The following PPP6C variants were observed in gnomAD, a reference collection of about 807,000 sequenced individuals.
The protein encoded by PPP6C is protein phosphatase 6 catalytic subunit, also known as serine/threonine-protein phosphatase 6 catalytic subunit.
A neutral mutation model predicts 39.8 loss-of-function variants in PPP6C; 11 were observed. That is an observed-to-expected ratio of 0.28 (90% CI 0.17 to 0.46). PPP6C has a LOEUF of 0.46. Ranked by LOEUF, PPP6C falls within the 20% of genes least tolerant of loss-of-function variation. The pLI, the probability that PPP6C is intolerant of heterozygous loss-of-function variation, is 1.00. For missense variants in PPP6C, 211 were observed against 373.9 expected (o/e 0.56, Z 3.59); for synonymous variants, 129 against 130.3 (o/e 0.99, Z 0.07).
chr9:125,182,795 G>A (rs938967554), intron 1 of PPP6C, among the ~76,000 whole-genome samples: 2 of 149,352 alleles, frequency 1.3e-5, no homozygotes, highest in Non-Finnish European at 3.0e-5. Context: ...TGACCCAGCT[G>A]TGACAACCAA....
intron 2 of PPP6C, among the ~76,000 whole-genome samples, chr9:125,161,549 C>G (rs1025519868): frequency 6.6e-6 from 1 of 152,106 alleles, no homozygotes; most frequent in Non-Finnish European, 1.5e-5. Context: ...GCTCAAGTAA[C>G]CCTCCTACCT....
intron 4 of PPP6C, among the ~76,000 whole-genome samples, chr9:125,156,744 G>GCTCTCT (rs61252351): frequency 0.036 from 5,020 of 141,336 alleles, 173 homozygotes; most frequent in East Asian, 0.23. Flanking sequence ...TAATAAGCTC[G>GCTCTCT]CTCTCTCTCT....
In PPP6C at chr9:125,175,557, G is replaced by A. The variant is rs142920099; in HGVS notation, c.76-4377C>T. ...ACTAGGGAGGCTGAGGCAGGAGAAT[G>A]GCATGAACCCGGGAGGCGGAGCTTG... is the stretch of plus-strand genomic sequence containing the variant. On this transcript the variant is annotated intron_variant, in intron 1 of 6. Transcript: ENST00000373547. 0.018 allele frequency among the ~76,000 whole-genome samples: 2,761 copies of A among 151,194 alleles called. 156 individuals are homozygous for A. The East Asian group carries it at 0.23, about 12-fold the overall frequency.
rs754432168 is a variant in PPP6C, at chr9:125,158,409, AACAAT to A, written c.238-32_238-28del. The A allele has an allele frequency of 5.0e-6, 8 of 1,604,300 alleles. No homozygotes were observed. The South Asian group carries it at 6.6e-5, about 13-fold the overall frequency. On this transcript the variant is annotated intron_variant, in intron 3 of 6. Coordinates refer to ENST00000373547, the MANE Select transcript of PPP6C (RefSeq NM_002721.5). The stretch of plus-strand genomic sequence containing the variant: ...TGTGAAGTAAAAGTTTACAGTTACA[AACAAT>A]ACAATAGCCACAATATTCTTTTCAA...
chr9:125,176,100 G>A (rs974369210), intron 1 of PPP6C, among the ~76,000 whole-genome samples: 1 of 152,150 alleles, frequency 6.6e-6, no homozygotes, highest in Non-Finnish European at 1.5e-5. Flanking sequence ...AAACTCTAAA[G>A]GAGGTAAGGC....
intron 1 of PPP6C, among the ~76,000 whole-genome samples, chr9:125,183,019 A>C (rs927184142): frequency 1.3e-5 from 2 of 152,096 alleles, no homozygotes; most frequent in Admixed American, 6.6e-5. Flanking sequence ...GCAGCATCTC[A>C]AACTCAATAT....
chr9:125,151,088 C>G (rs1835926940), intron 6 of PPP6C: 3 of 1,327,048 alleles, frequency 2.3e-6, no homozygotes, highest in Non-Finnish European at 3.3e-6. Context: ...TATGCAGAGC[C>G]AGGTGTCCTG....
intron 1 of PPP6C, among the ~76,000 whole-genome samples, chr9:125,188,295 G>A (rs948805620): frequency 1.3e-5 from 2 of 152,154 alleles, no homozygotes; most frequent in Non-Finnish European, 2.9e-5. Context: ...TGAGGCAGGA[G>A]AATGGCGTGA....
chr9:125,172,720 AACACACACACACACAC>A (rs72238242), intron 1 of PPP6C, among the ~76,000 whole-genome samples: 3 of 144,700 alleles, frequency 2.1e-5, no homozygotes, highest in East Asian at 2.0e-4. Context: ...AATACACACA[AACACACACACACACAC>A]ACACACACAC....
rs2131291928 is a variant in PPP6C, at chr9:125,148,769, T to C, written c.*904A>G. 6.6e-6 allele frequency: 1 copy of C among 152,354 alleles called. No homozygotes were observed. The highest frequency in any genetic ancestry group is 1.9e-4 in the East Asian group (1 of 5,192). The allele number at this position is 152,354 out of a possible 1,614,324, so 9.4% of individuals were successfully genotyped here. On this transcript the variant is annotated 3_prime_UTR_variant, in exon 7 of 7. Transcript: ENST00000373547. ...ATTAACACATCAGCATTACAAGTAT[T>C]AAATGTTTTTCTATTACTATAGAGG...
At chr9:125,150,208 T>C (rs1835901625) in intron 6 of PPP6C, among the ~76,000 whole-genome samples, 1 of 152,206 alleles carries the variant, frequency 6.6e-6, no homozygotes, top group African/African-American at 2.4e-5. Context: ...TCTGATTTAA[T>C]AATAAAGATA....
At chr9:125,152,042 AC>A (rs1835960263) in intron 6 of PPP6C, among the ~76,000 whole-genome samples, 1 of 146,398 alleles carries the variant, frequency 6.8e-6, no homozygotes, top group South Asian at 2.3e-4. Context: ...GCAACCCCAA[AC>A]CTAGTCCCGG....
chr9:125,153,651 T>C lies in PPP6C; in HGVS notation c.551A>G (p.Glu184Gly). Residue 184 changes from glutamate to glycine, a missense_variant, in exon 6 of 7, where the codon GAA becomes GGA. By Grantham distance (98) the Glu-to-Gly change is moderately conservative. Transcript: ENST00000373547. Reference protein sequence around the residue: ...DQIRTIERNQEIPHKGAFCDL... With the variant: ...DQIRTIERNQGIPHKGAFCDL... ...ACAAAATGCTCCTTTATGAGGAATT[T>C]CCTGATTCCGTTCGATGGTTCGAAT... is the stretch of plus-strand genomic sequence containing the variant. 1 of 1,614,214 alleles carries C rather than the reference T, an allele frequency of 6.2e-7. No individual in the cohort carries two copies. The highest frequency in any genetic ancestry group is 8.5e-7 in the Non-Finnish European group (1 of 1,180,030).
At chr9:125,170,852 A>G (rs1829133169) in intron 2 of PPP6C, among the ~76,000 whole-genome samples, 1 of 152,202 alleles carries the variant, frequency 6.6e-6, no homozygotes, top group South Asian at 2.1e-4. Flanking sequence ...CTAATGCTGC[A>G]TTATTCACTT....
intron 1 of PPP6C, among the ~76,000 whole-genome samples, chr9:125,181,371 CAT>C (rs965887539): frequency 1.8e-4 from 28 of 152,164 alleles, no homozygotes; most frequent in African/African-American, 5.8e-4. Context: ...TTCTGGGACA[CAT>C]GTGCAGAACG....
At chr9:125,184,274 G>C (rs1253407385) in intron 1 of PPP6C, among the ~76,000 whole-genome samples, 1 of 152,076 alleles carries the variant, frequency 6.6e-6, no homozygotes, top group African/African-American at 2.4e-5. Flanking sequence ...TGTAGTCCCA[G>C]CTACTTGGGA....
Position 125,178,124 on chromosome 9 carries a change from G to A in PPP6C, c.76-6944C>T, listed in dbSNP as rs553451775. On this transcript the variant is annotated intron_variant, in intron 1 of 6. Transcript: ENST00000373547. ...AGTGGCTATAAAAATCTATGTACAG[G>A]TTTTTGTATGGACATAAGTTTACAA... is the stretch of plus-strand genomic sequence containing the variant. Among the ~76,000 whole-genome samples, 4 of 152,250 alleles carry A rather than the reference G, an allele frequency of 2.6e-5. No homozygotes were observed. The South Asian group carries it at 8.3e-4, about 32-fold the overall frequency.
At chr9:125,174,595 A>G (rs891427996) in intron 1 of PPP6C, among the ~76,000 whole-genome samples, 1 of 151,890 alleles carries the variant, frequency 6.6e-6, no homozygotes, top group African/African-American at 2.4e-5. Flanking sequence ...CATATAGTAC[A>G]TCCATCACTC....
chr9:125,186,748 C>T (rs564349196), intron 1 of PPP6C, among the ~76,000 whole-genome samples: 3 of 150,792 alleles, frequency 2.0e-5, no homozygotes, highest in African/African-American at 4.9e-5. Flanking sequence ...ACCATGTCCC[C>T]GCTCCCCCAC....
Sources: allele counts gnomAD v4.1 joint callset (sites outside exome capture counted in the v4.1 genomes callset), GRCh38; gene constraint gnomAD v4.1.1; transcripts MANE v1.5; gene names NCBI Gene and HGNC (gene_info 2026-07-23, HGNC 2026-07-21).